Variants in NUP93 observed in about 807,000 individuals in gnomAD.
NUP93 encodes the protein nuclear pore complex protein Nup93.
In NUP93, 55 loss-of-function variants were observed where a neutral mutation model predicts 107.8. The observed-to-expected ratio is 0.51, with a 90% CI of 0.41 to 0.64. The LOEUF is 0.64. NUP93 is among the 30% of genes least tolerant of loss of function. NUP93 has a pLI of 0.00. For synonymous variants in NUP93, 390 were observed against 397.5 expected, an observed-to-expected ratio of 0.98 and a Z score of 0.22; for missense variants, 937 against 1,044.7, an observed-to-expected ratio of 0.90 and a Z score of 1.42.
chr16:56,797,085 C>T (rs773241187), intron 3 of NUP93, among the ~76,000 whole-genome samples: 9 of 152,024 alleles, frequency 5.9e-5, no homozygotes, highest in Non-Finnish European at 1.2e-4. Context: ...TCATGGCCAA[C>T]ATTGTGAAAC....
chr16:56,822,094 G>C (rs1458333065), intron 7 of NUP93, among the ~76,000 whole-genome samples: 1 of 142,136 alleles, frequency 7.0e-6, no homozygotes, highest in African/African-American at 2.7e-5. Context: ...TCTCCCATAA[G>C]GGGCAAAAAA....
chr16:56,831,722 T>G (rs1963789787), intron 10 of NUP93, 120 bp from the exon 11 acceptor site: 1 of 1,004,748 alleles, frequency 1.0e-6, no homozygotes, highest in Non-Finnish European at 1.5e-6. Flanking sequence ...ACAGTGTCTC[T>G]TACCCCGGAT....
chr16:56,770,036 A>G (rs1206299102), intron 3 of NUP93, among the ~76,000 whole-genome samples: 1 of 152,252 alleles, frequency 6.6e-6, no homozygotes, highest in African/African-American at 2.4e-5. Context: ...GTCTAAGAGT[A>G]TAAAAGTGAG....
At chr16:56,755,385 T>C (rs1240385829) in intron 2 of NUP93, among the ~76,000 whole-genome samples, 2 of 151,970 alleles carry the variant, frequency 1.3e-5, no homozygotes, top group East Asian at 3.9e-4. Context: ...TATTGTGTGA[T>C]TGCATTTATG....
chr16:56,732,836 A>G (rs1182382027), intron 1 of NUP93, among the ~76,000 whole-genome samples: 2 of 152,104 alleles, frequency 1.3e-5, no homozygotes, highest in African/African-American at 2.4e-5. Flanking sequence ...TGATCCTGTT[A>G]TGTGCCAGAC....
At chr16:56,745,121 A>G (rs1368581735) in intron 1 of NUP93, among the ~76,000 whole-genome samples, 1 of 152,132 alleles carries the variant, frequency 6.6e-6, no homozygotes, top group Admixed American at 6.5e-5. Flanking sequence ...TTGTATTTTT[A>G]AATAGCTTTC....
intron 1 of NUP93, among the ~76,000 whole-genome samples, chr16:56,742,820 T>G (rs1961760669): frequency 6.6e-6 from 1 of 152,234 alleles, no homozygotes; most frequent in African/African-American, 2.4e-5. Flanking sequence ...GAGTAACAGC[T>G]ATTTCTGGGA....
Position 56,844,688 on chromosome 16 carries a change from G to T in NUP93, c.*79G>T. 1 of 783,782 alleles carries T rather than the reference G, an allele frequency of 1.3e-6. No individual in the cohort carries two copies. Among genetic ancestry groups the T allele is most frequent in the Non-Finnish European group, 1.9e-6 (1 of 521,244 alleles). 48.6% of individuals were successfully genotyped at this position (783,782 alleles called of 1,614,324 possible). A position where few individuals can be genotyped will look rare whatever the true frequency, so the allele number is the denominator to read the frequency against. ...TGGGCCCACTAGGCTGGGGTTTCTG[G>T]TTTTGTTTCTGTTGTGTTTTGTTTT... On this transcript the variant is annotated 3_prime_UTR_variant, in exon 22 of 22. Transcript: ENST00000308159.
intron 1 of NUP93, among the ~76,000 whole-genome samples, chr16:56,738,088 AG>A (rs1961641500): frequency 6.6e-6 from 1 of 152,264 alleles, no homozygotes; most frequent in Admixed American, 6.5e-5. Flanking sequence ...GCTGTTTCCC[AG>A]GAAGCATCAA....
intron 4 of NUP93, among the ~76,000 whole-genome samples, chr16:56,804,158 G>A (rs1963082271): frequency 6.6e-6 from 1 of 152,180 alleles, no homozygotes. Context: ...ATAGTATGTC[G>A]GTTCCTCACA....
chr16:56,787,557 T>C lies in NUP93; in HGVS notation c.298-10919T>C, dbSNP rs550145500. 2.1e-4 allele frequency among the ~76,000 whole-genome samples: 32 copies of C among 152,306 alleles called. No homozygotes were observed. The East Asian group carries it at 3.5e-3, about 17-fold the overall frequency. On this transcript the variant is annotated intron_variant, in intron 3 of 21. Coordinates refer to ENST00000308159, the MANE Select transcript of NUP93 (RefSeq NM_014669.5). ...TTTCCTGCTCGTGGCCCCCAAATCT[T>C]GCTTTTGTTTCTTTTTTCCAAAGGG...
At chr16:56,826,769 T>C (rs1194319702) in intron 8 of NUP93, among the ~76,000 whole-genome samples, 1 of 151,884 alleles carries the variant, frequency 6.6e-6, no homozygotes, top group Non-Finnish European at 1.5e-5. Context: ...TTGAGTCGGC[T>C]GGGTGCAGCG....
At chr16:56,746,029 A>G (rs1385667429) in intron 1 of NUP93, among the ~76,000 whole-genome samples, 1 of 152,112 alleles carries the variant, frequency 6.6e-6, no homozygotes, top group Non-Finnish European at 1.5e-5. Flanking sequence ...TTTTAATCAT[A>G]GAAAAGTTTT....
intron 2 of NUP93, among the ~76,000 whole-genome samples, chr16:56,757,711 C>G (rs1171564801): frequency 6.6e-6 from 1 of 152,202 alleles, no homozygotes; most frequent in Admixed American, 6.5e-5. Flanking sequence ...GACTGGGCAG[C>G]AGAGAGGGAA....
At chr16:56,804,896 ACT>A (rs1281786091) in intron 4 of NUP93, among the ~76,000 whole-genome samples, 1 of 149,992 alleles carries the variant, frequency 6.7e-6, no homozygotes, top group African/African-American at 2.5e-5. Context: ...ACAGAGTGAA[ACT>A]CTGTCTCAAA....
intron 1 of NUP93, among the ~76,000 whole-genome samples, chr16:56,739,662 CGGGCGGAGGGCT>C (rs1263960743): frequency 2.8e-4 from 36 of 127,884 alleles, no homozygotes; most frequent in African/African-American, 1.1e-3. Context: ...GGCGGCTGGC[CGGGCGGAGGGCT>C]GACCCCCCCA....
chr16:56,795,911 T>C (rs1350162216), intron 3 of NUP93, among the ~76,000 whole-genome samples: 6 of 152,112 alleles, frequency 3.9e-5, no homozygotes, highest in Non-Finnish European at 8.8e-5. Flanking sequence ...CCTCCCAAAG[T>C]GCTGTGATTA....
chr16:56,827,957 T>C (rs932455044), intron 8 of NUP93, among the ~76,000 whole-genome samples: 4 of 152,050 alleles, frequency 2.6e-5, no homozygotes, highest in Non-Finnish European at 5.9e-5. Context: ...CCATCTCTAC[T>C]AAAAACACGA....
chr16:56,759,251 C>A (rs1446074764), intron 3 of NUP93, among the ~76,000 whole-genome samples: 1 of 152,196 alleles, frequency 6.6e-6, no homozygotes, highest in Non-Finnish European at 1.5e-5. Flanking sequence ...AAAAAACTCA[C>A]GGTCTGTTTA....
Sources: allele counts gnomAD v4.1 joint callset (sites outside exome capture counted in the v4.1 genomes callset), GRCh38; gene constraint gnomAD v4.1.1; transcripts MANE v1.5; gene names NCBI Gene and HGNC (gene_info 2026-07-23, HGNC 2026-07-21).